The following KLHL13 variants were observed in gnomAD, a reference collection of about 807,000 sequenced individuals.
KLHL13 encodes the protein kelch like family member 13.
In KLHL13, 10 loss-of-function variants were observed where a neutral mutation model predicts 37.1. That is an observed-to-expected ratio of 0.27 (90% CI 0.17 to 0.46). The LOEUF (loss-of-function observed/expected upper bound fraction) is 0.46. KLHL13 is among the 20% of genes least tolerant of loss of function. The pLI is 1.00. For missense variants in KLHL13, 360 were observed against 509.3 expected (o/e 0.71, Z 2.82); for synonymous variants, 163 against 181.2 (o/e 0.90, Z 0.81).
intron 1 of KLHL13, among the ~76,000 whole-genome samples, chrX:117,999,744 G>T (rs1448704591): frequency 9.1e-6 from 1 of 110,488 alleles, no homozygotes; most frequent in Non-Finnish European, 1.9e-5. Context: ...GAAAACAAAA[G>T]GTTCAGGTCC....
intron 1 of KLHL13, among the ~76,000 whole-genome samples, chrX:118,092,699 T>C (rs767386978): frequency 9.1e-4 from 102 of 111,914 alleles, no homozygotes; most frequent in South Asian, 4.5e-3. Context: ...ATGTCTCTTA[T>C]GGTGAAATAT....
At chrX:118,019,235 T>C (rs2054167360) in intron 1 of KLHL13, among the ~76,000 whole-genome samples, 1 of 111,982 alleles carries the variant, frequency 8.9e-6, no homozygotes, top group African/African-American at 3.2e-5. Flanking sequence ...TGTGTTTCTA[T>C]TTGACATTTA....
intron 2 of KLHL13, among the ~76,000 whole-genome samples, chrX:117,931,122 T>C (rs897344398): frequency 3.6e-5 from 4 of 111,856 alleles, no homozygotes; most frequent in Non-Finnish European, 7.5e-5. Context: ...TTCTTTAACA[T>C]TCTATTAGCT....
At chrX:117,924,924 T>C (rs963242802) in intron 2 of KLHL13, among the ~76,000 whole-genome samples, 2 of 111,376 alleles carry the variant, frequency 1.8e-5, no homozygotes, top group African/African-American at 6.5e-5. Flanking sequence ...GTTTAATGTT[T>C]AATGTTTTTA....
chrX:118,007,366 C>T (rs1050617909), intron 1 of KLHL13, among the ~76,000 whole-genome samples: 17 of 77,263 alleles, frequency 2.2e-4, no homozygotes, highest in Non-Finnish European at 7.1e-5. Flanking sequence ...GAAGGAGACC[C>T]TGTCAAAAAA....
chrX:117,999,180 A>T (rs961850804), intron 1 of KLHL13, among the ~76,000 whole-genome samples: 7 of 111,381 alleles, frequency 6.3e-5, no homozygotes, highest in Non-Finnish European at 7.5e-5. Context: ...TGACCCAGCC[A>T]TCCCATTATT....
chrX:118,032,615 A>C lies in KLHL13; in HGVS notation c.-56+83893T>G, dbSNP rs184943635. 9.2e-3 allele frequency among the ~76,000 whole-genome samples: 1,024 copies of C among 111,665 alleles called. 15 individuals are homozygous for C. The highest frequency in any genetic ancestry group is 0.031 in the African/African-American group (949 of 30,453). On this transcript the variant is annotated intron_variant, in intron 1 of 6. Transcript: ENST00000371882. ...TACATCACCATCATCAAAGACCAAA[A>C]GTAGATAAAACCACAAAGATGGGGA...
At chrX:117,987,050 T>C (rs1212553893) in intron 1 of KLHL13, among the ~76,000 whole-genome samples, 1 of 111,395 alleles carries the variant, frequency 9.0e-6, no homozygotes, top group African/African-American at 3.3e-5. Context: ...TGAAGAGAGA[T>C]GGACCTGTGT....
At chrX:118,097,359 A>G (rs1413034929) in intron 1 of KLHL13, among the ~76,000 whole-genome samples, 2 of 111,594 alleles carry the variant, frequency 1.8e-5, no homozygotes, top group Non-Finnish European at 3.8e-5. Context: ...ATACCTAGGA[A>G]TCCAACTTAC....
chrX:117,969,391 C>T (rs1038258776), intron 1 of KLHL13, among the ~76,000 whole-genome samples: 2 of 111,881 alleles, frequency 1.8e-5, no homozygotes, highest in Non-Finnish European at 3.8e-5. Context: ...ACCATAAAAA[C>T]ACTTAGATGT....
chrX:118,032,635 TG>T (rs200309699), intron 1 of KLHL13, among the ~76,000 whole-genome samples: 1,752 of 111,117 alleles, frequency 0.016, 32 homozygotes, highest in African/African-American at 0.054. Flanking sequence ...ACCACAAAGA[TG>T]GGGAAAAAAC....
chrX:118,099,743 G>T (rs982635113), intron 1 of KLHL13, among the ~76,000 whole-genome samples: 1 of 110,180 alleles, frequency 9.1e-6, no homozygotes, highest in Non-Finnish European at 1.9e-5. Context: ...GGAGGCAGAG[G>T]TTGCAGTGAG....
intron 1 of KLHL13, among the ~76,000 whole-genome samples, chrX:118,087,717 T>C (rs2055071605): frequency 9.0e-6 from 1 of 111,658 alleles, no homozygotes; most frequent in African/African-American, 3.3e-5. Context: ...GGTCACTTTC[T>C]ACCAAGTATT....
intron 1 of KLHL13, among the ~76,000 whole-genome samples, chrX:118,067,018 T>C (rs1470402985): frequency 9.0e-6 from 1 of 111,708 alleles, no homozygotes; most frequent in Non-Finnish European, 1.9e-5. Flanking sequence ...ACAATGGGGA[T>C]AGGTACTCAG....
intron 1 of KLHL13, among the ~76,000 whole-genome samples, chrX:118,071,311 A>G (rs1428879727): frequency 1.8e-5 from 2 of 111,518 alleles, no homozygotes; most frequent in Non-Finnish European, 3.8e-5. Flanking sequence ...TTCTAGTTCT[A>G]GATCCCTGAG....
chrX:118,000,166 C>A (rs1218025079), intron 1 of KLHL13, among the ~76,000 whole-genome samples: 1 of 111,068 alleles, frequency 9.0e-6, no homozygotes, highest in African/African-American at 3.3e-5. Flanking sequence ...ATTGCCCTTA[C>A]CCAAAACAGA....
At chrX:118,035,073 C>T (rs1164809171) in intron 1 of KLHL13, among the ~76,000 whole-genome samples, 1 of 97,270 alleles carries the variant, frequency 1.0e-5, no homozygotes, top group African/African-American at 5.2e-5. Flanking sequence ...AGACCAATAA[C>T]AGGAGCTAAA....
chrX:118,068,207 A>G (rs1460623666), intron 1 of KLHL13, among the ~76,000 whole-genome samples: 1 of 111,847 alleles, frequency 8.9e-6, no homozygotes, highest in Non-Finnish European at 1.9e-5. Flanking sequence ...CTCTGCACAC[A>G]CACAATTTCT....
chrX:117,962,210 C>CA (rs113774341), intron 1 of KLHL13, among the ~76,000 whole-genome samples: 8,367 of 81,899 alleles, frequency 0.1, 342 homozygotes, highest in Middle Eastern at 0.2. Flanking sequence ...ATCCCCATCT[C>CA]AAAAAAAAAA....
Sources: allele counts gnomAD v4.1 joint callset (sites outside exome capture counted in the v4.1 genomes callset), GRCh38; gene constraint gnomAD v4.1.1; transcripts MANE v1.5; gene names NCBI Gene and HGNC (gene_info 2026-07-23, HGNC 2026-07-21).